RGS8: variants seen among roughly 807,000 people sequenced by gnomAD.
RGS8 encodes the protein regulator of G protein signaling 8.
RGS8 carries 8 observed loss-of-function variants against 21.7 expected under a neutral mutation model. The observed-to-expected ratio is 0.37, with a 90% CI of 0.22 to 0.66. The LOEUF is 0.66. Among genes scored for constraint, RGS8 ranks in the 30% least tolerant of loss-of-function variants. The probability of loss-of-function intolerance (pLI) is 0.59; values close to 1 mark genes in which losing one functional copy is unlikely to be tolerated. For synonymous variants in RGS8, 80 were observed against 83.6 expected (o/e 0.96, Z 0.24); for missense variants, 157 against 217.9 (o/e 0.72, Z 1.76).
chr1:182,721,078 TACAC>T, the RGS8 span, among the ~76,000 whole-genome samples: 1 of 108,294 alleles, frequency 9.2e-6, no homozygotes. Flanking sequence ...TATACATATA[TACAC>T]ATATATATGT....
chr1:182,677,702 AG>A (rs886518018), upstream of RGS8, among the ~76,000 whole-genome samples: 2 of 152,134 alleles, frequency 1.3e-5, no homozygotes, highest in African/African-American at 4.8e-5. Flanking sequence ...TGCTCACTGC[AG>A]GGTTTTCCTC....
the RGS8 span, among the ~76,000 whole-genome samples, chr1:182,725,764 C>A: frequency 6.6e-6 from 1 of 152,192 alleles, no homozygotes; most frequent in African/African-American, 2.4e-5. Flanking sequence ...GTGGGCTCAG[C>A]CACACAGCAG....
At chr1:182,707,026 G>A in the RGS8 span, among the ~76,000 whole-genome samples, 22 of 151,992 alleles carry the variant, frequency 1.4e-4, no homozygotes, top group African/African-American at 4.6e-4. Context: ...AGGCGTGGTG[G>A]GGGGTGCCTA....
At chr1:182,651,123 C>T (rs916785351) in intron 5 of RGS8, among the ~76,000 whole-genome samples, 5 of 152,136 alleles carry the variant, frequency 3.3e-5, no homozygotes, top group African/African-American at 1.2e-4. Context: ...AACTGAAAAT[C>T]AAAATGAAAC....
intron 4 of RGS8, 52 bp from the exon 6 acceptor site, chr1:182,666,085 C>T (rs767874273): frequency 6.1e-6 from 9 of 1,487,402 alleles, no homozygotes; most frequent in South Asian, 3.4e-5. Flanking sequence ...ACCTCCTTGC[C>T]CTCAACAACC....
chr1:182,681,473 T>G (rs1008747699), intron 1 of RGS8, among the ~76,000 whole-genome samples: 1 of 152,196 alleles, frequency 6.6e-6, no homozygotes, highest in Non-Finnish European at 1.5e-5. Context: ...GGCAATGGCT[T>G]TCATGTCCTC....
the RGS8 span, among the ~76,000 whole-genome samples, chr1:182,730,951 C>T: frequency 6.6e-6 from 1 of 152,176 alleles, no homozygotes; most frequent in Non-Finnish European, 1.5e-5. Context: ...TTGAAAATCA[C>T]TGCATGGCAC....
At chr1:182,720,967 G>GCA in the RGS8 span, among the ~76,000 whole-genome samples, 10 of 45,998 alleles carry the variant, frequency 2.2e-4, no homozygotes, top group African/African-American at 1.0e-3. Flanking sequence ...ACATATGTGT[G>GCA]TATATATACA....
chr1:182,677,640 T>C (rs952551792), upstream of RGS8, among the ~76,000 whole-genome samples: 4 of 152,332 alleles, frequency 2.6e-5, no homozygotes, highest in African/African-American at 9.6e-5. Context: ...TAAGTCTCTG[T>C]TACCTTTCTC....
At chr1:182,722,383 A>C in the RGS8 span, among the ~76,000 whole-genome samples, 1 of 151,638 alleles carries the variant, frequency 6.6e-6, no homozygotes, top group African/African-American at 2.4e-5. Flanking sequence ...AAAAAAAAAA[A>C]AAAACTGGGT....
chr1:182,724,246 A>ATATATATATATATATCTATC, the RGS8 span, among the ~76,000 whole-genome samples: 1 of 107,118 alleles, frequency 9.3e-6, no homozygotes, highest in African/African-American at 3.7e-5. Flanking sequence ...ATATATATAT[A>ATATATATATATATATCTATC]TCCTATTATT....
the RGS8 span, among the ~76,000 whole-genome samples, chr1:182,707,383 A>C: frequency 6.6e-6 from 1 of 152,214 alleles, no homozygotes; most frequent in Non-Finnish European, 1.5e-5. Context: ...CTTTCTAAGA[A>C]CATTGGCCAT....
intron 5 of RGS8, among the ~76,000 whole-genome samples, chr1:182,659,166 A>G (rs1408543928): frequency 6.6e-6 from 1 of 152,226 alleles, no homozygotes; most frequent in African/African-American, 2.4e-5. Flanking sequence ...TCTTATTCTT[A>G]GGATGTGATA....
upstream of RGS8, chr1:182,672,138 T>C: frequency 5.1e-6 from 1 of 197,906 alleles, no homozygotes; most frequent in Non-Finnish European, 1.0e-5. Flanking sequence ...GAATAGGTAT[T>C]AACTCTTTCC....
At chr1:182,717,836 C>G in the RGS8 span, among the ~76,000 whole-genome samples, 7 of 152,158 alleles carry the variant, frequency 4.6e-5, no homozygotes, top group Non-Finnish European at 8.8e-5. Context: ...ACAGTAGTTA[C>G]TAATTAAATA....
chr1:182,698,548 T>G, the RGS8 span, among the ~76,000 whole-genome samples: 1 of 152,226 alleles, frequency 6.6e-6, no homozygotes, highest in South Asian at 2.1e-4. Context: ...GTCTCCTTTC[T>G]CTGGAAAGCC....
intron 3 of RGS8, 28 bp from the exon 5 acceptor site, chr1:182,667,001 G>T (rs778140312): frequency 1.3e-6 from 2 of 1,561,950 alleles, no homozygotes; most frequent in South Asian, 2.2e-5. Context: ...GCAGAAGGAC[G>T]GGGAAACTCT....
chr1:182,721,044 T>TATGTGTGTATATATAC, the RGS8 span, among the ~76,000 whole-genome samples: 3 of 48,942 alleles, frequency 6.1e-5, no homozygotes, highest in Non-Finnish European at 1.3e-4. Context: ...TATATACATA[T>TATGTGTGTATATATAC]ACATACATAT....
the RGS8 span, among the ~76,000 whole-genome samples, chr1:182,723,691 C>T: frequency 5.3e-4 from 80 of 152,184 alleles, no homozygotes; most frequent in Non-Finnish European, 1.1e-3. Flanking sequence ...AGCCCAGGTC[C>T]TTGGGGGTCA....
Sources: allele counts gnomAD v4.1 joint callset (sites outside exome capture counted in the v4.1 genomes callset), GRCh38; gene constraint gnomAD v4.1.1; transcripts MANE v1.5; gene names NCBI Gene and HGNC (gene_info 2026-07-23, HGNC 2026-07-21).